The following ACSM4 variants were observed in gnomAD, a reference collection of about 807,000 sequenced individuals.
ACSM4 encodes the protein acyl-CoA synthetase medium chain family member 4.
Under a neutral mutation model 73.0 loss-of-function variants are expected in ACSM4, and 66 were observed. The ratio of observed to expected loss-of-function variants is 0.90; its 90% CI spans 0.74 to 1.11. The LOEUF is 1.11. ACSM4 is among the 50% of genes least tolerant of loss of function. ACSM4 has a pLI of 0.00. For missense variants in ACSM4, 645 were observed against 714.4 expected, an observed-to-expected ratio of 0.90 and a Z score of 1.11; for synonymous variants, 222 against 254.0, an observed-to-expected ratio of 0.87 and a Z score of 1.20.
At chr12:7,323,402 G>T in intron 8 of ACSM4, 57 bp from the exon 9 acceptor site, 1 of 1,597,400 alleles carries the variant, frequency 6.3e-7, no homozygotes, top group Non-Finnish European at 8.6e-7. Context: ...TTCATAAGCT[G>T]CTTTCATTTT....
intron 12 of ACSM4, 69 bp downstream of exon 12, chr12:7,327,164 A>G: frequency 2.0e-6 from 3 of 1,470,016 alleles, no homozygotes; most frequent in Non-Finnish European, 1.8e-6. Context: ...ATTAGATTTT[A>G]CTGGATTTTG....
intron 1 of ACSM4, among the ~76,000 whole-genome samples, chr12:7,305,469 AATGAC>A (rs1159420867): frequency 1.3e-5 from 2 of 152,230 alleles, no homozygotes; most frequent in Non-Finnish European, 2.9e-5. Context: ...ATGAGACTTA[AATGAC>A]TAAAGATTGA....
intron 7 of ACSM4, 66 bp from the exon 8 acceptor site, chr12:7,323,168 A>AT: frequency 2.1e-6 from 3 of 1,412,596 alleles, no homozygotes; most frequent in Non-Finnish European, 2.9e-6. Flanking sequence ...CTTAATTTTC[A>AT]TTGCCATGAT....
chr12:7,320,206 A>T (rs1300678957), intron 5 of ACSM4, among the ~76,000 whole-genome samples: 1 of 152,176 alleles, frequency 6.6e-6, no homozygotes, highest in Non-Finnish European at 1.5e-5. Flanking sequence ...GAAACCAGAG[A>T]CATAATGAAC....
At chr12:7,305,591 A>G (rs1946357331) in intron 1 of ACSM4, among the ~76,000 whole-genome samples, 1 of 152,224 alleles carries the variant, frequency 6.6e-6, no homozygotes, top group African/African-American at 2.4e-5. Context: ...AAGGCCACAC[A>G]GGTCCAACAG....
Position 7,324,611 on chromosome 12 carries a change from C to T in ACSM4, c.1536+13C>T. ...AATCCGCGGAGAGGTAGATGAATGTCATTTATTAAAGAAGCAACATCATAT... is the reference window on the plus strand; with the variant it reads ...AATCCGCGGAGAGGTAGATGAATGTTATTTATTAAAGAAGCAACATCATAT... On this transcript the variant is annotated intron_variant, in intron 11 of 12. Coordinates refer to ENST00000399422, the MANE Select transcript of ACSM4 (RefSeq NM_001080454.2). The T allele has an allele frequency of 6.2e-7, 1 of 1,612,194 alleles. No individual in the cohort carries two copies. The highest frequency in any genetic ancestry group is 8.5e-7 in the Non-Finnish European group (1 of 1,178,350).
intron 5 of ACSM4, among the ~76,000 whole-genome samples, 181 bp from the exon 6 acceptor site, chr12:7,320,544 G>T (rs1946453347): frequency 6.6e-6 from 1 of 152,110 alleles, no homozygotes; most frequent in Non-Finnish European, 1.5e-5. Context: ...TTCAGTAATT[G>T]GAAATTCCCA....
In ACSM4 at chr12:7,322,490, G is replaced by A; in HGVS notation, c.1074G>A (p.Trp358Ter). ...EPLNPEVLEQ[W>*]RVQTGLELYE... ...TCAACCCAGAAGTGCTGGAGCAGTG[G>A]AGGGTGCAAACTGGGCTGGAGCTAT... is the stretch of plus-strand genomic sequence containing the variant. Residue 358 changes from tryptophan to a stop codon, truncating the protein, a stop_gained, in exon 7 of 13, where the codon TGG (tryptophan) becomes TGA (stop). Coordinates refer to ENST00000399422, the MANE Select transcript of ACSM4 (RefSeq NM_001080454.2). LOFTEE classifies it high-confidence loss of function. The A allele has an allele frequency of 3.7e-6, 6 of 1,613,926 alleles. No individual in the cohort carries two copies. Among genetic ancestry groups the A allele is most frequent in the Non-Finnish European group, 4.2e-6 (5 of 1,179,840 alleles).
intron 5 of ACSM4, among the ~76,000 whole-genome samples, chr12:7,319,738 A>G (rs1946445930): frequency 6.6e-6 from 1 of 152,164 alleles, no homozygotes; most frequent in Non-Finnish European, 1.5e-5. Flanking sequence ...AAAAGGTCTT[A>G]CTTAACATAA....
rs765339373 is a variant in ACSM4, at chr12:7,323,463, T to C, written c.1211T>C (p.Ile404Thr). 13 of 1,613,750 alleles carry C rather than the reference T, an allele frequency of 8.1e-6. No individual in the cohort carries two copies. Among genetic ancestry groups the C allele is most frequent in the East Asian group, 2.2e-5 (1 of 44,860 alleles). ...KGMLPYDVQI[I>T]DENGNVLPPG... ...CAATTATTTCTTTCATTCCAGATTA[T>C]AGATGAAAATGGCAATGTTCTACCA... The change falls in exon 9 of 13, where the codon ATA (isoleucine) becomes ACA (threonine). Residue 404 changes from isoleucine to threonine, a missense_variant. Ile to Thr is a moderately conservative substitution (Grantham distance 89, BLOSUM62 -1). Coordinates refer to ENST00000399422, the MANE Select transcript of ACSM4 (RefSeq NM_001080454.2).
chr12:7,323,690 A>G lies in ACSM4; in HGVS notation c.1308+130A>G, dbSNP rs140301864. The G allele has an allele frequency of 5.1e-5, 39 of 771,296 alleles. No individual in the cohort carries two copies. In the African/African-American group the frequency reaches 5.4e-4, roughly 11 times the overall value. 47.8% of individuals were successfully genotyped at this position (771,296 alleles called of 1,614,324 possible). ...ACAACTGTAAAATGGGGAGACTATC[A>G]TCTGTCACCCAAGAGTACTGTAAAG... On this transcript the variant is annotated intron_variant, in intron 9 of 12. Coordinates refer to ENST00000399422, the MANE Select transcript of ACSM4 (RefSeq NM_001080454.2).
At chr12:7,321,299 G>C (rs1037777260) in intron 6 of ACSM4, among the ~76,000 whole-genome samples, 5 of 152,206 alleles carry the variant, frequency 3.3e-5, no homozygotes, top group African/African-American at 9.6e-5. Context: ...TTTATGACTT[G>C]AAGGTCATAT....
intron 2 of ACSM4, 95 bp downstream of exon 2, chr12:7,306,838 T>TAAA: frequency 3.1e-6 from 2 of 649,908 alleles, no homozygotes; most frequent in South Asian, 5.3e-5. Context: ...AAAGTATGCA[T>TAAA]ACAGAAGACA....
In ACSM4 at chr12:7,317,298, G is replaced by T; in HGVS notation, c.764+18G>T. On this transcript the variant is annotated intron_variant, in intron 4 of 12. Transcript: ENST00000399422. ...TGCGGAAGGTAGGGAAGAAAATTCAGTTTGTTTTTGGTGAACTCCCCCAAA... is the reference window on the plus strand; with the variant it reads ...TGCGGAAGGTAGGGAAGAAAATTCATTTTGTTTTTGGTGAACTCCCCCAAA... 1 of 1,541,322 alleles carries T rather than the reference G, an allele frequency of 6.5e-7. No homozygotes were observed. Among genetic ancestry groups the T allele is most frequent in the Non-Finnish European group, 8.7e-7 (1 of 1,143,342 alleles).
At chr12:7,325,741 G>T (rs1425684881) in intron 11 of ACSM4, among the ~76,000 whole-genome samples, 5 of 152,198 alleles carry the variant, frequency 3.3e-5, no homozygotes, top group Non-Finnish European at 7.3e-5. Flanking sequence ...CTCTGGCAAT[G>T]ACAATAATAG....
At position 7,304,318 on chromosome 12, in the gene ACSM4, G is replaced by A. The variant is rs1190502058; in HGVS notation, c.-14G>A. 1 of 1,613,480 alleles carries A rather than the reference G, an allele frequency of 6.2e-7. No homozygotes were observed. Among genetic ancestry groups the A allele is most frequent in the South Asian group, 1.1e-5 (1 of 91,066 alleles). The stretch of plus-strand genomic sequence containing the variant: ...TTCTGTGTCCATAGCAGTAGACAAA[G>A]TCCTTTGGGAACCATGAAGATTTTT... On this transcript the variant is annotated 5_prime_UTR_variant, in exon 1 of 13. Transcript: ENST00000399422.
At chr12:7,314,607 GA>G (rs1319674781) in intron 3 of ACSM4, among the ~76,000 whole-genome samples, 5 of 132,316 alleles carry the variant, frequency 3.8e-5, no homozygotes, top group Admixed American at 1.5e-4. Flanking sequence ...GTAGATAGAT[GA>G]TAGATAGATA....
intron 1 of ACSM4, among the ~76,000 whole-genome samples, chr12:7,305,653 A>G (rs1308733827): frequency 6.6e-6 from 1 of 152,238 alleles, no homozygotes; most frequent in African/African-American, 2.4e-5. Flanking sequence ...CAGGGAAGAG[A>G]CACATCTGTC....
intron 1 of ACSM4, among the ~76,000 whole-genome samples, 176 bp downstream of exon 1, chr12:7,304,708 C>T (rs1425338411): frequency 6.6e-6 from 1 of 152,180 alleles, no homozygotes; most frequent in Non-Finnish European, 1.5e-5. Context: ...GATCCTCAGC[C>T]ACAAATGGCT....
Sources: gnomAD v4.1 joint callset for allele counts (sites outside exome capture counted in the v4.1 genomes callset) on GRCh38, gnomAD v4.1.1 for gene constraint, MANE v1.5 for transcripts, NCBI Gene and HGNC (gene_info 2026-07-23, HGNC 2026-07-21) for gene names.